The following EVA1A variants were observed in gnomAD, a reference collection of about 807,000 sequenced individuals.
EVA1A encodes eva-1 homolog A, regulator of programmed cell death.
Under a neutral mutation model 9.8 loss-of-function variants are expected in EVA1A, and 7 were observed. The observed-to-expected ratio is 0.71, with a 90% CI of 0.41 to 1.34. The LOEUF is 1.34. Among genes scored for constraint, EVA1A ranks in the 40% most tolerant of loss-of-function variants. The pLI is 0.01. For synonymous variants in EVA1A, 90 were observed against 85.6 expected (o/e 1.05, Z -0.28); for missense variants, 206 against 205.9 (o/e 1.00, Z 0.00).
Position 75,492,462 on chromosome 2 carries a change from T to C in EVA1A, c.*774A>G, listed in dbSNP as rs1674068709. 6.7e-6 allele frequency: 1 copy of C among 150,008 alleles called. No homozygotes were observed. The highest frequency in any genetic ancestry group is 1.5e-5 in the Non-Finnish European group (1 of 67,448). 9.3% of individuals were successfully genotyped at this position (150,008 alleles called of 1,614,324 possible). ...TTAAAATCACAATTATCTAGAGTCA[T>C]AATAAAATTTTCTTGTCTCCAAAGA... On this transcript the variant is annotated 3_prime_UTR_variant, in exon 4 of 4. Coordinates refer to ENST00000393913, the MANE Select transcript of EVA1A (RefSeq NM_001135032.2).
At chr2:75,568,123 T>TG (rs1159815138) in intron 1 of EVA1A, among the ~76,000 whole-genome samples, 5 of 152,252 alleles carry the variant, frequency 3.3e-5, no homozygotes, top group African/African-American at 9.6e-5. Flanking sequence ...AAGTTTGGTC[T>TG]GGGGGGCTTT....
chr2:75,509,038 G>C (rs1199819097), intron 3 of EVA1A, among the ~76,000 whole-genome samples: 2 of 152,182 alleles, frequency 1.3e-5, no homozygotes, highest in African/African-American at 4.8e-5. Context: ...AGGAGAGCCT[G>C]TGTCGTGTCT....
chr2:75,530,120 C>T (rs1359864506), intron 1 of EVA1A, among the ~76,000 whole-genome samples: 1 of 152,050 alleles, frequency 6.6e-6, no homozygotes, highest in Non-Finnish European at 1.5e-5. Flanking sequence ...ACTATGAACA[C>T]CTTTATGCGC....
At chr2:75,516,891 C>A (rs1675025276) in intron 3 of EVA1A, among the ~76,000 whole-genome samples, 1 of 152,146 alleles carries the variant, frequency 6.6e-6, no homozygotes, top group Non-Finnish European at 1.5e-5. Context: ...GAAGCAAGAG[C>A]AAAGATGAGA....
intron 1 of EVA1A, among the ~76,000 whole-genome samples, chr2:75,529,610 C>T (rs1443140811): frequency 2.0e-5 from 3 of 152,072 alleles, no homozygotes; most frequent in African/African-American, 4.8e-5. Context: ...CAAAACCATG[C>T]AAATATATGG....
intron 3 of EVA1A, among the ~76,000 whole-genome samples, chr2:75,505,821 A>G (rs1674600152): frequency 6.6e-6 from 1 of 152,064 alleles, no homozygotes; most frequent in Non-Finnish European, 1.5e-5. Context: ...GAAAAAAAAA[A>G]GGGTAGGGAA....
At chr2:75,555,338 C>T (rs78580344) in intron 1 of EVA1A, among the ~76,000 whole-genome samples, 1,595 of 38,552 alleles carry the variant, frequency 0.041, 8 homozygotes, top group African/African-American at 0.062. Flanking sequence ...TCTCTCTCTC[C>T]CCCATCTCCC....
At chr2:75,558,181 C>T (rs1237604251) in intron 1 of EVA1A, among the ~76,000 whole-genome samples, 3 of 152,192 alleles carry the variant, frequency 2.0e-5, no homozygotes, top group African/African-American at 7.2e-5. Flanking sequence ...AAATGCTAAA[C>T]TTGAACCATG....
chr2:75,521,114 C>T (rs1675215486), intron 2 of EVA1A, among the ~76,000 whole-genome samples: 1 of 152,182 alleles, frequency 6.6e-6, no homozygotes, highest in Non-Finnish European at 1.5e-5. Context: ...AGATGCTCCA[C>T]ATAACCAAGC....
intron 1 of EVA1A, among the ~76,000 whole-genome samples, chr2:75,553,059 T>C (rs987425026): frequency 6.6e-6 from 1 of 152,230 alleles, no homozygotes; most frequent in Non-Finnish European, 1.5e-5. Flanking sequence ...ACAGGCTGAC[T>C]TCCTTTGTCC....
At chr2:75,566,487 GC>G (rs1677031451) in intron 1 of EVA1A, among the ~76,000 whole-genome samples, 3 of 152,180 alleles carry the variant, frequency 2.0e-5, no homozygotes, top group Non-Finnish European at 2.9e-5. Context: ...AAGCCACACA[GC>G]TAAGTTTCCA....
intron 3 of EVA1A, among the ~76,000 whole-genome samples, chr2:75,507,870 G>A (rs540064509): frequency 7.2e-5 from 11 of 152,298 alleles, no homozygotes; most frequent in South Asian, 2.1e-4. Flanking sequence ...CCTTTGTTGC[G>A]GGAAGTCAGG....
chr2:75,569,262 C>G (rs1326134096), intron 1 of EVA1A, among the ~76,000 whole-genome samples: 1 of 151,866 alleles, frequency 6.6e-6, no homozygotes, highest in African/African-American at 2.4e-5. Context: ...ATTCACTTGC[C>G]TCACTTTCTT....
intron 1 of EVA1A, among the ~76,000 whole-genome samples, chr2:75,566,519 C>T (rs1677032079): frequency 6.6e-6 from 1 of 152,206 alleles, no homozygotes; most frequent in Non-Finnish European, 1.5e-5. Flanking sequence ...TCACTTCTCT[C>T]ACCTTTTTAA....
intron 3 of EVA1A, among the ~76,000 whole-genome samples, chr2:75,499,851 G>C (rs754051107): frequency 1.3e-5 from 2 of 152,104 alleles, no homozygotes; most frequent in African/African-American, 2.4e-5. Context: ...CTCACTGCTC[G>C]GCCGTACTCG....
intron 1 of EVA1A, among the ~76,000 whole-genome samples, chr2:75,546,529 A>G (rs1676334534): frequency 6.6e-6 from 1 of 152,080 alleles, no homozygotes; most frequent in Admixed American, 6.5e-5. Context: ...CAAAATCTTC[A>G]TGTCCCAAGC....
chr2:75,566,386 T>C (rs1677029318), intron 1 of EVA1A, among the ~76,000 whole-genome samples: 1 of 152,140 alleles, frequency 6.6e-6, no homozygotes, highest in Non-Finnish European at 1.5e-5. Context: ...AAGCAAAGTT[T>C]TACCTGTACA....
chr2:75,565,325 GA>G (rs781203786), upstream of EVA1A, among the ~76,000 whole-genome samples: 1 of 152,146 alleles, frequency 6.6e-6, no homozygotes, highest in Non-Finnish European at 1.5e-5. Flanking sequence ...TGTTAGGATT[GA>G]AAGCCACTTC....
chr2:75,508,553 G>A (rs967116761), intron 3 of EVA1A, among the ~76,000 whole-genome samples: 3 of 152,104 alleles, frequency 2.0e-5, no homozygotes, highest in African/African-American at 7.2e-5. Context: ...CAATGACAAT[G>A]GTACCCGAAA....
Sources: gnomAD v4.1 joint callset for allele counts (sites outside exome capture counted in the v4.1 genomes callset) on GRCh38, gnomAD v4.1.1 for gene constraint, MANE v1.5 for transcripts, NCBI Gene and HGNC (gene_info 2026-07-23, HGNC 2026-07-21) for gene names.